The following TACC2 variants were observed in gnomAD, a reference collection of about 807,000 sequenced individuals.
TACC2 encodes the protein transforming acidic coiled-coil containing protein 2, also known as transforming acidic coiled-coil-containing protein 2.
In TACC2, 137 loss-of-function variants were observed where a neutral mutation model predicts 227.3. The ratio of observed to expected loss-of-function variants is 0.60; its 90% CI spans 0.52 to 0.69. The LOEUF (loss-of-function observed/expected upper bound fraction) is 0.69, where lower values mean the gene tolerates loss of function less well. Ranked by LOEUF, TACC2 falls within the 30% of genes least tolerant of loss-of-function variation. The probability of loss-of-function intolerance (pLI) is 0.00; values close to 1 mark genes in which losing one functional copy is unlikely to be tolerated. For synonymous variants in TACC2, 1,523 were observed against 1,487.5 expected, an observed-to-expected ratio of 1.02 and a Z score of -0.55; for missense variants, 3,470 against 3,694.4, an observed-to-expected ratio of 0.94 and a Z score of 1.57.
At chr10:122,235,576 C>G (rs1439263575) in intron 16 of TACC2, among the ~76,000 whole-genome samples, 5 of 152,080 alleles carry the variant, frequency 3.3e-5, no homozygotes, top group Non-Finnish European at 7.3e-5. Flanking sequence ...TGAACTTTCT[C>G]CATAAGGACA....
chr10:122,128,508 G>A (rs2087318744), intron 5 of TACC2, among the ~76,000 whole-genome samples: 1 of 152,182 alleles, frequency 6.6e-6, no homozygotes, highest in African/African-American at 2.4e-5. Flanking sequence ...TTCCAGTGGT[G>A]CCTAATGGAC....
intron 16 of TACC2, among the ~76,000 whole-genome samples, chr10:122,233,193 C>T (rs1383444779): frequency 1.3e-5 from 2 of 152,328 alleles, no homozygotes; most frequent in African/African-American, 2.4e-5. Context: ...CCACATCCTT[C>T]TGGTCAAACG....
chr10:122,163,728 GCC>G, intron 7 of TACC2: 1 of 1,162,914 alleles, frequency 8.6e-7, no homozygotes, highest in East Asian at 4.1e-5. Context: ...CGCGGCGCTC[GCC>G]CCCCGGCCCC....
intron 7 of TACC2, chr10:122,192,438 T>C (rs868342210): frequency 5.5e-5 from 18 of 326,386 alleles, no homozygotes; most frequent in African/African-American, 3.7e-4. Flanking sequence ...CTTCAGAGCC[T>C]GCTGTCGCCA....
intron 2 of TACC2, among the ~76,000 whole-genome samples, chr10:122,028,708 G>A (rs1358075750): frequency 6.6e-6 from 1 of 150,824 alleles, no homozygotes; most frequent in African/African-American, 2.4e-5. Flanking sequence ...TTCCCATCCT[G>A]TATACCCTTC....
intron 5 of TACC2, among the ~76,000 whole-genome samples, chr10:122,118,548 C>T (rs117170503): frequency 2.0e-5 from 3 of 152,330 alleles, no homozygotes; most frequent in Non-Finnish European, 4.4e-5. Flanking sequence ...GAATCGTCTC[C>T]TCTCTTGAAC....
chr10:122,109,284 C>T (rs933598174), intron 5 of TACC2, among the ~76,000 whole-genome samples: 1 of 152,092 alleles, frequency 6.6e-6, no homozygotes, highest in African/African-American at 2.4e-5. Flanking sequence ...TTCATCTTAT[C>T]CACACAAGCA....
At chr10:122,199,145 A>G (rs1348233240) in intron 8 of TACC2, among the ~76,000 whole-genome samples, 2 of 152,048 alleles carry the variant, frequency 1.3e-5, no homozygotes, top group Non-Finnish European at 2.9e-5. Context: ...GCGTGCCTAT[A>G]CCTTTCCTCT....
At chr10:122,223,693 C>G (rs1421661432) in intron 11 of TACC2, among the ~76,000 whole-genome samples, 1 of 152,038 alleles carries the variant, frequency 6.6e-6, no homozygotes, top group Non-Finnish European at 1.5e-5. Context: ...TTTGACGATG[C>G]CTTTAGCAAT....
chr10:122,135,813 C>CTG (rs1262528107), intron 6 of TACC2, among the ~76,000 whole-genome samples: 1 of 152,240 alleles, frequency 6.6e-6, no homozygotes, highest in African/African-American at 2.4e-5. Flanking sequence ...AGGCAACGCC[C>CTG]TGCCTTCTTG....
At chr10:122,229,200 C>A in intron 14 of TACC2, 146 bp from the exon 15 acceptor site, 2 of 897,964 alleles carry the variant, frequency 2.2e-6, no homozygotes, top group South Asian at 1.6e-5. Context: ...TAGATGAAAC[C>A]ACAAGTAATG....
chr10:122,111,947 TA>T (rs952583966), intron 5 of TACC2, among the ~76,000 whole-genome samples: 4 of 152,162 alleles, frequency 2.6e-5, no homozygotes, highest in African/African-American at 9.7e-5. Context: ...TAAGTTTCCA[TA>T]AAAAATGTGA....
chr10:122,132,083 A>AAAGAAAGG (rs2138831833), intron 5 of TACC2, among the ~76,000 whole-genome samples: 1 of 108,040 alleles, frequency 9.3e-6, no homozygotes, highest in Admixed American at 9.2e-5. Flanking sequence ...AGAAAGAAAG[A>AAAGAAAGG]GAAAGATCTA....
intron 3 of TACC2, among the ~76,000 whole-genome samples, chr10:122,071,719 C>CAAA (rs145636754): frequency 0.14 from 15,182 of 108,332 alleles, 1,381 homozygotes; most frequent in East Asian, 0.33. Context: ...ACTAAAAATA[C>CAAA]AAAAAAAAAA....
At chr10:121,994,105 TG>T in intron 1 of TACC2, among the ~76,000 whole-genome samples, 1 of 152,322 alleles carries the variant, frequency 6.6e-6, no homozygotes, top group East Asian at 1.9e-4. Flanking sequence ...TTTAATTCCC[TG>T]GCTACTGATG....
At position 122,194,911 on chromosome 10, in the gene TACC2, C is replaced by T. The variant is rs2094515908; in HGVS notation, c.5835-129C>T. On this transcript the variant is annotated intron_variant, in intron 7 of 22. Transcript: ENST00000369005. This position sits in a 1 kb window ranked among gnomAD's most constrained non-coding sequence, Gnocchi z 4.4. The stretch of plus-strand genomic sequence containing the variant: ...ACGACTGAGAAAATGACTTTCCTCT[C>T]ATCTGTCCCTGCACAGTTTAACTGA... 2.4e-6 allele frequency: 2 copies of T among 836,260 alleles called. No individual in the cohort carries two copies. Among genetic ancestry groups the T allele is most frequent in the Non-Finnish European group, 3.7e-6 (2 of 541,062 alleles). 51.8% of individuals were successfully genotyped at this position (836,260 alleles called of 1,614,324 possible).
intron 8 of TACC2, among the ~76,000 whole-genome samples, chr10:122,202,013 CTTT>C (rs767544440): frequency 8.8e-5 from 9 of 102,362 alleles, no homozygotes; most frequent in African/African-American, 3.2e-4. Context: ...TCTTCTTTAG[CTTT>C]TTTTTTTTTT....
intron 5 of TACC2, among the ~76,000 whole-genome samples, chr10:122,097,412 T>G (rs2081571295): frequency 6.6e-6 from 1 of 151,578 alleles, no homozygotes; most frequent in African/African-American, 2.4e-5. Flanking sequence ...AAGAAGAAAC[T>G]CAGGGGAAGG....
chr10:122,093,454 C>A (rs1353974874), intron 5 of TACC2, among the ~76,000 whole-genome samples: 1 of 152,204 alleles, frequency 6.6e-6, no homozygotes, highest in Non-Finnish European at 1.5e-5. Flanking sequence ...AGGATGGCTA[C>A]AACTGTATAA....
Sources: gnomAD v4.1 joint callset for allele counts (sites outside exome capture counted in the v4.1 genomes callset) on GRCh38, gnomAD v4.1.1 for gene constraint, Gnocchi (gnomAD v3.1) non-coding constraint, MANE v1.5 for transcripts, NCBI Gene and HGNC (gene_info 2026-07-23, HGNC 2026-07-21) for gene names.